UNC5D: variants seen among roughly 807,000 people sequenced by gnomAD.
UNC5D encodes the protein unc-5 netrin receptor D.
UNC5D carries 39 observed loss-of-function variants against 105.4 expected under a neutral mutation model. That is an observed-to-expected ratio of 0.37 (90% CI 0.29 to 0.48). UNC5D has a LOEUF of 0.48. Ranked by LOEUF, UNC5D falls within the 20% of genes least tolerant of loss-of-function variation. The pLI is 0.98. For synonymous variants in UNC5D, 452 were observed against 450.4 expected (o/e 1.00, Z -0.04); for missense variants, 991 against 1,202.4 (o/e 0.82, Z 2.60).
chr8:35,385,658 G>A (rs1563365839), intron 1 of UNC5D, among the ~76,000 whole-genome samples: 1 of 151,994 alleles, frequency 6.6e-6, no homozygotes, highest in East Asian at 1.9e-4. Context: ...ATGGAGACGG[G>A]GTTTCACCGT....
chr8:35,749,866 T>G (rs143352957), intron 12 of UNC5D, among the ~76,000 whole-genome samples: 16 of 152,294 alleles, frequency 1.1e-4, no homozygotes, highest in African/African-American at 3.9e-4. Flanking sequence ...CTAGTACATC[T>G]TATCCAATTC....
chr8:35,661,842 C>T (rs1455652998), intron 4 of UNC5D, among the ~76,000 whole-genome samples: 1 of 152,158 alleles, frequency 6.6e-6, no homozygotes, highest in Non-Finnish European at 1.5e-5. Flanking sequence ...AAGATGTTCT[C>T]ACTGCACAGG....
chr8:35,504,882 A>G (rs1812206865), intron 1 of UNC5D, among the ~76,000 whole-genome samples: 1 of 152,154 alleles, frequency 6.6e-6, no homozygotes, highest in South Asian at 2.1e-4. Context: ...CCCTGTGTCC[A>G]CGTTCAAGTT....
chr8:35,681,701 C>T (rs1825676117), intron 4 of UNC5D, among the ~76,000 whole-genome samples: 1 of 152,184 alleles, frequency 6.6e-6, no homozygotes, highest in Non-Finnish European at 1.5e-5. Flanking sequence ...TTTGGTACCA[C>T]TCGGCTCTGA....
chr8:35,463,299 G>A (rs560769308), intron 1 of UNC5D, among the ~76,000 whole-genome samples: 6 of 152,234 alleles, frequency 3.9e-5, no homozygotes, highest in African/African-American at 7.2e-5. Flanking sequence ...ACAAACAGAA[G>A]CATTTATGCA....
At chr8:35,517,353 G>A (rs1225796596) in intron 1 of UNC5D, among the ~76,000 whole-genome samples, 7 of 152,166 alleles carry the variant, frequency 4.6e-5, no homozygotes, top group Non-Finnish European at 1.0e-4. Context: ...GGGATGGCCT[G>A]AAACAAAGCA....
chr8:35,712,440 A>G (rs1828020464), intron 8 of UNC5D, among the ~76,000 whole-genome samples: 1 of 152,224 alleles, frequency 6.6e-6, no homozygotes, highest in Admixed American at 6.5e-5. Flanking sequence ...GTGATTTGAG[A>G]AAAGTAAGGA....
intron 4 of UNC5D, among the ~76,000 whole-genome samples, chr8:35,645,047 A>G (rs979410460): frequency 1.3e-5 from 2 of 152,174 alleles, no homozygotes; most frequent in African/African-American, 4.8e-5. Context: ...ACTTTTGGGC[A>G]GGGCGGTTGC....
chr8:35,674,195 T>C (rs1032790745), intron 4 of UNC5D, among the ~76,000 whole-genome samples: 6 of 152,180 alleles, frequency 3.9e-5, no homozygotes, highest in African/African-American at 1.4e-4. Flanking sequence ...TTAGGAGTGA[T>C]CATAAAAACC....
intron 8 of UNC5D, among the ~76,000 whole-genome samples, chr8:35,716,884 TTAACAA>T (rs1348510840): frequency 1.3e-5 from 2 of 152,232 alleles, no homozygotes; most frequent in Non-Finnish European, 2.9e-5. Context: ...ATAAACAACT[TTAACAA>T]TAACTTCTGT....
intron 16 of UNC5D, among the ~76,000 whole-genome samples, chr8:35,775,742 G>A (rs1376242638): frequency 6.6e-6 from 1 of 152,058 alleles, no homozygotes; most frequent in Non-Finnish European, 1.5e-5. Context: ...TGTCTGCCAA[G>A]AAGGGATGGA....
chr8:35,533,669 T>G (rs1814591482), intron 1 of UNC5D, among the ~76,000 whole-genome samples: 1 of 152,182 alleles, frequency 6.6e-6, no homozygotes, highest in South Asian at 2.1e-4. Context: ...TGCAGTTTGA[T>G]CTCAGACTGC....
At chr8:35,304,043 G>T (rs1808158618) in intron 1 of UNC5D, among the ~76,000 whole-genome samples, 1 of 152,128 alleles carries the variant, frequency 6.6e-6, no homozygotes, top group Admixed American at 6.6e-5. Flanking sequence ...ATCTCTCCAT[G>T]AGATTTGACT....
rs371645632 is a variant in UNC5D at position 35,544,401 on chromosome 8, T to C, written c.104-4891T>C. ...AAATCTATCAGTAGCGTTAAATAAG[T>C]AGGGATTGTTTAAAAAAAAAAGCTG... On this transcript the variant is annotated intron_variant, in intron 1 of 16. Transcript: ENST00000404895. The C allele has an allele frequency of 2.5e-5, 41 of 1,608,996 alleles. No individual in the cohort carries two copies. In the African/African-American group the frequency reaches 5.2e-4, roughly 21 times the overall value.
At chr8:35,270,803 C>T (rs1439935946) in intron 1 of UNC5D, among the ~76,000 whole-genome samples, 1 of 152,056 alleles carries the variant, frequency 6.6e-6, no homozygotes, top group African/African-American at 2.4e-5. Flanking sequence ...TCATAACATA[C>T]AGTAAATTTA....
chr8:35,307,404 G>A (rs956686118), intron 1 of UNC5D, among the ~76,000 whole-genome samples: 5 of 152,108 alleles, frequency 3.3e-5, no homozygotes, highest in Admixed American at 6.6e-5. Flanking sequence ...TTGTTGAGGG[G>A]CCTAGGTGAG....
chr8:35,600,315 C>T (rs570461887), intron 4 of UNC5D, among the ~76,000 whole-genome samples: 32 of 152,274 alleles, frequency 2.1e-4, no homozygotes, highest in African/African-American at 7.7e-4. Flanking sequence ...TGGGTATATA[C>T]CCAGTAATGG....
chr8:35,478,719 T>A (rs1810277469), intron 1 of UNC5D, among the ~76,000 whole-genome samples: 2 of 152,182 alleles, frequency 1.3e-5, no homozygotes, highest in South Asian at 4.1e-4. Flanking sequence ...GGTATTGAAA[T>A]GTGTTAATAA....
chr8:35,603,102 T>C (rs975393426), intron 4 of UNC5D, among the ~76,000 whole-genome samples: 14 of 152,144 alleles, frequency 9.2e-5, no homozygotes, highest in African/African-American at 3.1e-4. Context: ...TGAATGTGTT[T>C]GCTCTTGCTT....
Sources: allele counts gnomAD v4.1 joint callset (sites outside exome capture counted in the v4.1 genomes callset), GRCh38; gene constraint gnomAD v4.1.1; transcripts MANE v1.5; gene names NCBI Gene and HGNC (gene_info 2026-07-23, HGNC 2026-07-21).